LUZP2: variants seen among roughly 807,000 people sequenced by gnomAD.
LUZP2 encodes the protein leucine zipper protein 2.
A neutral mutation model predicts 51.6 loss-of-function variants in LUZP2; 52 were observed. That is an observed-to-expected ratio of 1.01 (90% CI 0.81 to 1.27). The LOEUF is 1.27. Among genes scored for constraint, LUZP2 ranks in the 50% most tolerant of loss-of-function variants. LUZP2 has a pLI of 0.00. For missense variants in LUZP2, 436 were observed against 395.4 expected, an observed-to-expected ratio of 1.10 and a Z score of -0.87; for synonymous variants, 154 against 137.3, an observed-to-expected ratio of 1.12 and a Z score of -0.85.
chr11:24,973,814 T>C (rs1173779725), intron 7 of LUZP2, among the ~76,000 whole-genome samples: 1 of 152,034 alleles, frequency 6.6e-6, no homozygotes, highest in Admixed American at 6.6e-5. Context: ...TTATGATTTT[T>C]AGTTATTTTG....
chr11:24,955,624 C>T (rs953429096), intron 7 of LUZP2, among the ~76,000 whole-genome samples: 4 of 151,950 alleles, frequency 2.6e-5, no homozygotes, highest in Admixed American at 2.0e-4. Context: ...CACAATCTTC[C>T]TGGAATAATT....
At chr11:24,926,091 A>C (rs1590738907) in intron 7 of LUZP2, among the ~76,000 whole-genome samples, 1 of 151,554 alleles carries the variant, frequency 6.6e-6, no homozygotes, top group Non-Finnish European at 1.5e-5. Context: ...ATGGCTGATG[A>C]GTATCCCATG....
intron 4 of LUZP2, among the ~76,000 whole-genome samples, chr11:24,752,722 T>C (rs1332800112): frequency 6.6e-6 from 1 of 151,822 alleles, no homozygotes; most frequent in East Asian, 1.9e-4. Flanking sequence ...TTTACTCTGT[T>C]AAAAAAATAA....
intron 1 of LUZP2, among the ~76,000 whole-genome samples, chr11:24,582,841 G>A (rs953168312): frequency 1.3e-5 from 2 of 151,940 alleles, no homozygotes; most frequent in Non-Finnish European, 2.9e-5. Flanking sequence ...AGAGTTATAA[G>A]TATGAAAATC....
chr11:25,032,746 A>C (rs1166581315), intron 9 of LUZP2, among the ~76,000 whole-genome samples: 4 of 152,152 alleles, frequency 2.6e-5, no homozygotes, highest in African/African-American at 7.2e-5. Context: ...CACAGAAAGG[A>C]TGCTGTAGGG....
At chr11:24,917,206 TG>T (rs1221889030) in intron 7 of LUZP2, among the ~76,000 whole-genome samples, 1 of 152,178 alleles carries the variant, frequency 6.6e-6, no homozygotes, top group Non-Finnish European at 1.5e-5. Flanking sequence ...TAAATTTGTT[TG>T]AGTTCTTTGT....
chr11:24,537,028 A>C (rs1851198318), intron 1 of LUZP2, among the ~76,000 whole-genome samples: 1 of 151,892 alleles, frequency 6.6e-6, no homozygotes, highest in East Asian at 1.9e-4. Flanking sequence ...GCAGTCAGAA[A>C]CCCACATTTG....
intron 1 of LUZP2, among the ~76,000 whole-genome samples, chr11:24,527,944 C>T (rs1850865937): frequency 1.3e-5 from 2 of 151,238 alleles, no homozygotes; most frequent in South Asian, 4.1e-4. Flanking sequence ...TGACCATAGA[C>T]ATCAGCATCC....
chr11:24,545,555 C>CTTTTTTTTTTTTTTTTTTTTTTTTTT (rs3992984), intron 1 of LUZP2, among the ~76,000 whole-genome samples: 1 of 120,798 alleles, frequency 8.3e-6, no homozygotes, highest in African/African-American at 3.1e-5. Context: ...TTGTTGCTTG[C>CTTTTTTTTTTTTTTTTTTTTTTTTTT]TTTTTTTTTT....
intron 5 of LUZP2, among the ~76,000 whole-genome samples, chr11:24,774,385 T>TATATATAC (rs1554989452): frequency 9.1e-6 from 1 of 109,768 alleles, no homozygotes; most frequent in Non-Finnish European, 1.9e-5. Context: ...TATATATACA[T>TATATATAC]ACACACACAC....
chr11:25,039,334 C>T (rs1297890560), intron 9 of LUZP2, among the ~76,000 whole-genome samples: 1 of 152,108 alleles, frequency 6.6e-6, no homozygotes, highest in Non-Finnish European at 1.5e-5. Flanking sequence ...GCAAAGGACC[C>T]AGGCTGTGCA....
intron 1 of LUZP2, among the ~76,000 whole-genome samples, chr11:24,635,547 G>C (rs1470529196): frequency 6.6e-6 from 1 of 152,080 alleles, no homozygotes. Flanking sequence ...TCTATGCAAA[G>C]TATGCTGTTT....
At chr11:24,576,771 G>A (rs1271436319) in intron 1 of LUZP2, among the ~76,000 whole-genome samples, 1 of 151,974 alleles carries the variant, frequency 6.6e-6, no homozygotes, top group Non-Finnish European at 1.5e-5. Context: ...GGAATGGGTA[G>A]AACAGTTGAT....
intron 9 of LUZP2, among the ~76,000 whole-genome samples, chr11:25,027,856 C>A (rs979922627): frequency 1.1e-4 from 13 of 120,704 alleles, no homozygotes; most frequent in Admixed American, 4.0e-4. Flanking sequence ...GGCGAAAGAA[C>A]GAAATTCCGT....
At chr11:24,891,106 G>T in intron 5 of LUZP2, 1 of 983,258 alleles carries the variant, frequency 1.0e-6, no homozygotes, top group East Asian at 1.1e-4. Flanking sequence ...AGTGAGAAAA[G>T]AAATACAAAT....
chr11:24,843,577 G>A (rs1851101006), intron 5 of LUZP2, among the ~76,000 whole-genome samples: 1 of 152,124 alleles, frequency 6.6e-6, no homozygotes, highest in Non-Finnish European at 1.5e-5. Context: ...TATTAAAAAT[G>A]TATAGACACA....
At chr11:24,617,845 A>G (rs1380080600) in intron 1 of LUZP2, among the ~76,000 whole-genome samples, 1 of 151,982 alleles carries the variant, frequency 6.6e-6, no homozygotes, top group African/African-American at 2.4e-5. Context: ...TAATAATAAT[A>G]ACAATAATAA....
At chr11:24,507,604 A>G (rs1850180651) in intron 1 of LUZP2, among the ~76,000 whole-genome samples, 2 of 151,998 alleles carry the variant, frequency 1.3e-5, no homozygotes, top group Non-Finnish European at 2.9e-5. Context: ...TCTGAGATAA[A>G]CTACAAAGAA....
At chr11:24,811,439 T>C (rs1414362907) in intron 5 of LUZP2, among the ~76,000 whole-genome samples, 1 of 152,188 alleles carries the variant, frequency 6.6e-6, no homozygotes, top group African/African-American at 2.4e-5. Flanking sequence ...TTATCTGACA[T>C]AGTTAATGTC....
Sources: gnomAD v4.1 joint callset for allele counts (sites outside exome capture counted in the v4.1 genomes callset) on GRCh38, gnomAD v4.1.1 for gene constraint, MANE v1.5 for transcripts, NCBI Gene and HGNC (gene_info 2026-07-23, HGNC 2026-07-21) for gene names.